The following TAFA5 variants were observed in gnomAD, a reference collection of about 807,000 sequenced individuals.
TAFA5 encodes the protein chemokine-like protein TAFA-5.
In TAFA5, 6 loss-of-function variants were observed where a neutral mutation model predicts 15.3. The ratio of observed to expected loss-of-function variants is 0.39; its 90% CI spans 0.21 to 0.77. The LOEUF is 0.77. Ranked by LOEUF, TAFA5 falls within the 30% of genes least tolerant of loss-of-function variation. TAFA5 has a pLI of 0.41. For synonymous variants in TAFA5, 103 were observed against 80.7 expected (o/e 1.28, Z -1.48); for missense variants, 161 against 193.1 (o/e 0.83, Z 0.98).
intron 3 of TAFA5, among the ~76,000 whole-genome samples, chr22:48,740,541 G>A (rs191501482): frequency 2.0e-5 from 3 of 152,328 alleles, no homozygotes; most frequent in Admixed American, 6.5e-5. Context: ...GATCTGCCTC[G>A]TACTGTCTCC....
In TAFA5 at chr22:48,609,784, G is replaced by T. The variant is rs1037606276; in HGVS notation, c.113-36813G>T. ...CCCGCAGGTCCGCTTCCTTCTGAGG[G>T]TCTTGGGGGAGAAGCTGCTCCCGGC... is the stretch of plus-strand genomic sequence containing the variant. On this transcript the variant is annotated intron_variant, in intron 1 of 3. Coordinates refer to ENST00000402357, the MANE Select transcript of TAFA5 (RefSeq NM_001082967.3). Among the ~76,000 whole-genome samples the T allele has an allele frequency of 2.0e-5, 3 of 152,198 alleles. No homozygotes were observed. The East Asian group carries it at 5.8e-4, about 29-fold the overall frequency.
chr22:48,542,641 T>TGTGTGTGTG (rs1281731754), intron 1 of TAFA5, among the ~76,000 whole-genome samples: 8 of 126,464 alleles, frequency 6.3e-5, no homozygotes, highest in African/African-American at 2.1e-4. Context: ...GTGTGTGATG[T>TGTGTGTGTG]GTGTGTGTGG....
chr22:48,724,532 C>T (rs1162448293), intron 3 of TAFA5, among the ~76,000 whole-genome samples: 1 of 152,236 alleles, frequency 6.6e-6, no homozygotes, highest in Non-Finnish European at 1.5e-5. Context: ...ACTCCTTGCA[C>T]AGCCTCTGCC....
chr22:48,743,325 G>A lies in TAFA5; in HGVS notation c.391-6514G>A, dbSNP rs537704006. ...TGCCTCTTGCAGCCGCTGTGGCTGC[G>A]TGGCTCCCGCCTCTGTCTCTGTCTG... On this transcript the variant is annotated intron_variant, in intron 3 of 3. Transcript: ENST00000402357. Among the ~76,000 whole-genome samples the A allele has an allele frequency of 5.3e-5, 8 of 152,308 alleles. No individual in the cohort carries two copies. In the South Asian group the frequency reaches 6.2e-4, roughly 12 times the overall value.
chr22:48,592,620 C>T (rs1331922739), intron 1 of TAFA5, among the ~76,000 whole-genome samples: 1 of 152,190 alleles, frequency 6.6e-6, no homozygotes, highest in African/African-American at 2.4e-5. Flanking sequence ...CTGCGCTCTG[C>T]CTGTCTGGCC....
chr22:48,594,405 C>T (rs771974649), intron 1 of TAFA5, among the ~76,000 whole-genome samples: 2 of 152,190 alleles, frequency 1.3e-5, no homozygotes, highest in South Asian at 2.1e-4. Context: ...TGACAAGCTC[C>T]GAGGCACACA....
At chr22:48,693,229 TG>T in intron 2 of TAFA5, 10 of 1,480,100 alleles carry the variant, frequency 6.8e-6, no homozygotes, top group Non-Finnish European at 9.2e-6. Flanking sequence ...CAGAGCAGCC[TG>T]GCAGGATGAG....
At chr22:48,642,466 T>C (rs529651519) in intron 1 of TAFA5, among the ~76,000 whole-genome samples, 2 of 151,992 alleles carry the variant, frequency 1.3e-5, no homozygotes, top group South Asian at 2.1e-4. Context: ...AATGAGGCGA[T>C]TTTGGAGCTC....
Position 48,616,096 on chromosome 22 carries a change from C to G in TAFA5, c.113-30501C>G, listed in dbSNP as rs952281293. On this transcript the variant is annotated intron_variant, in intron 1 of 3. Transcript: ENST00000402357. ...GGCCTGGTGTGCTGATTCTCTGGGA[C>G]CCTGGAGCTGGGCCTGGGGCTGGGG... Among the ~76,000 whole-genome samples the G allele has an allele frequency of 2.0e-5, 3 of 152,112 alleles. 1 individual carries two copies. The highest frequency in any genetic ancestry group is 4.1e-4 in the South Asian group (2 of 4,820).
chr22:48,576,501 C>A, intron 1 of TAFA5: 1 of 1,495,014 alleles, frequency 6.7e-7, no homozygotes, highest in Non-Finnish European at 9.0e-7. Context: ...TGAAGGCGCT[C>A]TGGGCACTGG....
At chr22:48,511,693 C>T (rs193016690) in intron 1 of TAFA5, among the ~76,000 whole-genome samples, 9 of 152,344 alleles carry the variant, frequency 5.9e-5, no homozygotes, top group Admixed American at 4.6e-4. Flanking sequence ...GGTTGTCACC[C>T]GGCCCGGCAC....
chr22:48,656,697 CTTTTT>C (rs71316950), intron 2 of TAFA5, among the ~76,000 whole-genome samples: 1 of 83,440 alleles, frequency 1.2e-5, no homozygotes, highest in South Asian at 4.2e-4. Flanking sequence ...ACCAAAAGTT[CTTTTT>C]TTTTTTTTTT....
At chr22:48,725,001 C>G (rs1929674643) in intron 3 of TAFA5, among the ~76,000 whole-genome samples, 1 of 152,262 alleles carries the variant, frequency 6.6e-6, no homozygotes, top group African/African-American at 2.4e-5. Context: ...GAACTGTGTT[C>G]TTCCGTTCAG....
At chr22:48,612,512 T>C (rs934796205) in intron 1 of TAFA5, among the ~76,000 whole-genome samples, 1 of 152,092 alleles carries the variant, frequency 6.6e-6, no homozygotes, top group African/African-American at 2.4e-5. Flanking sequence ...GCCTCGTCTC[T>C]CCTGGACCCT....
At chr22:48,674,604 G>A (rs1569074315) in intron 2 of TAFA5, among the ~76,000 whole-genome samples, 1 of 152,154 alleles carries the variant, frequency 6.6e-6, no homozygotes, top group African/African-American at 2.4e-5. Context: ...GCAGTTAGAC[G>A]CTGCATCTGG....
At chr22:48,626,803 C>T (rs1926039728) in intron 1 of TAFA5, among the ~76,000 whole-genome samples, 1 of 152,226 alleles carries the variant, frequency 6.6e-6, no homozygotes. Flanking sequence ...TTTATTTCTA[C>T]AAGTTTCATA....
intron 2 of TAFA5, among the ~76,000 whole-genome samples, chr22:48,681,730 A>G (rs917113212): frequency 6.6e-6 from 1 of 152,110 alleles, no homozygotes; most frequent in African/African-American, 2.4e-5. Flanking sequence ...CCTGATTCTC[A>G]GACAGAACAC....
chr22:48,656,412 A>G (rs1395425789), intron 2 of TAFA5, among the ~76,000 whole-genome samples: 1 of 151,926 alleles, frequency 6.6e-6, no homozygotes, highest in East Asian at 2.0e-4. Context: ...AGGCTGAGGC[A>G]GGAGAATTGC....
At chr22:48,620,643 C>CCACCCACCATCCACCATCCTATCCACT in intron 1 of TAFA5, among the ~76,000 whole-genome samples, 6 of 148,942 alleles carry the variant, frequency 4.0e-5, no homozygotes, top group Non-Finnish European at 7.5e-5. Flanking sequence ...TCCTATCCAC[C>CCACCCACCATCCACCATCCTATCCACT]CACCCACCAT....
Sources: allele counts gnomAD v4.1 joint callset (sites outside exome capture counted in the v4.1 genomes callset), GRCh38; gene constraint gnomAD v4.1.1; transcripts MANE v1.5; gene names NCBI Gene and HGNC (gene_info 2026-07-23, HGNC 2026-07-21).